KIRREL3: variants seen among roughly 807,000 people sequenced by gnomAD.
KIRREL3 encodes the protein kirre like nephrin family adhesion molecule 3, also known as kin of IRRE-like protein 3.
KIRREL3 carries 36 observed loss-of-function variants against 89.7 expected under a neutral mutation model. The ratio of observed to expected loss-of-function variants is 0.40; its 90% confidence interval spans 0.31 to 0.53. The LOEUF is 0.53. Ranked by LOEUF, KIRREL3 falls within the 20% of genes least tolerant of loss-of-function variation. KIRREL3 has a pLI of 0.49. For missense variants in KIRREL3, 864 were observed against 1,056.6 expected, an observed-to-expected ratio of 0.82 and a Z score of 2.53; for synonymous variants, 445 against 441.4, an observed-to-expected ratio of 1.01 and a Z score of -0.10.
intron 1 of KIRREL3, among the ~76,000 whole-genome samples, chr11:126,629,538 C>A (rs1174357692): frequency 6.6e-6 from 1 of 152,152 alleles, no homozygotes; most frequent in Non-Finnish European, 1.5e-5. Flanking sequence ...GTGGAGGGAC[C>A]GTTGGCTGGA....
chr11:126,920,847 T>C (rs1248239648), intron 1 of KIRREL3, among the ~76,000 whole-genome samples: 2 of 152,198 alleles, frequency 1.3e-5, no homozygotes, highest in African/African-American at 4.8e-5. Flanking sequence ...CTCTGCCTGA[T>C]TCCAGGATGC....
chr11:126,826,629 T>C (rs1008170280), intron 1 of KIRREL3, among the ~76,000 whole-genome samples: 3 of 152,186 alleles, frequency 2.0e-5, no homozygotes, highest in Non-Finnish European at 4.4e-5. Flanking sequence ...GGGAAATACG[T>C]GTTGGAGGTG....
chr11:126,589,449 A>C (rs1046945305), intron 1 of KIRREL3, among the ~76,000 whole-genome samples: 2 of 152,132 alleles, frequency 1.3e-5, no homozygotes, highest in Non-Finnish European at 2.9e-5. Flanking sequence ...GCAGGCAGGG[A>C]CTCAGGGCAC....
rs149832591 is a variant in KIRREL3 at position 126,956,996 on chromosome 11, C to T, written c.55+43459G>A. Among the ~76,000 whole-genome samples, 828 of 152,262 alleles carry T rather than the reference C, an allele frequency of 5.4e-3. 8 individuals are homozygous for T. The highest frequency in any genetic ancestry group is 0.018 in the African/African-American group (733 of 41,552). ...GTTCTTAATCTGCTTCACATGCACG[C>T]GATCTGATTCTGCAGCACAGTTCCA... On this transcript the variant is annotated intron_variant, in intron 1 of 16. Coordinates refer to ENST00000525144, the MANE Select transcript of KIRREL3 (RefSeq NM_032531.4).
chr11:126,654,936 G>A (rs1945069928), intron 1 of KIRREL3, among the ~76,000 whole-genome samples: 1 of 152,152 alleles, frequency 6.6e-6, no homozygotes, highest in African/African-American at 2.4e-5. Context: ...TCACCCCAGA[G>A]GCCGCTCCTT....
chr11:126,931,475 A>G lies in KIRREL3; in HGVS notation c.55+68980T>C, dbSNP rs900584405. On this transcript the variant is annotated intron_variant, in intron 1 of 16. Coordinates refer to ENST00000525144, the MANE Select transcript of KIRREL3 (RefSeq NM_032531.4). This position sits in a 1 kb window ranked among gnomAD's most constrained non-coding sequence, Gnocchi z 5.1. ...ATAAAGACGGATTTTATTGTCTTCC[A>G]GGAACCCATAGCATTGTGGCATCCA... 1.3e-5 allele frequency among the ~76,000 whole-genome samples: 2 copies of G among 152,194 alleles called. No homozygotes were observed. Among genetic ancestry groups the G allele is most frequent in the African/African-American group, 4.8e-5 (2 of 41,446 alleles).
chr11:126,680,243 T>G (rs904385583), intron 1 of KIRREL3, among the ~76,000 whole-genome samples: 1 of 152,068 alleles, frequency 6.6e-6, no homozygotes, highest in African/African-American at 2.4e-5. Context: ...ACAAAAGATC[T>G]CTTAATGAAT....
At position 126,795,973 on chromosome 11, in the gene KIRREL3, G is replaced by A. The variant is rs2134374259; in HGVS notation, c.55+204482C>T. ...AATGAGAGTACATTTTTCACGTTGA[G>A]CTAGTACCTTGTCTGCTTATGTTGC... On this transcript the variant is annotated intron_variant, in intron 1 of 16. Transcript: ENST00000525144. The surrounding 1 kb of genome is among the most constrained non-coding windows in gnomAD (Gnocchi z 4.1). Among the ~76,000 whole-genome samples, 1 of 152,214 alleles carries A rather than the reference G, an allele frequency of 6.6e-6. No homozygotes were observed. The highest frequency in any genetic ancestry group is 1.9e-4 in the East Asian group (1 of 5,156).
In KIRREL3 at chr11:126,655,603, C is replaced by T. The variant is rs1447917006; in HGVS notation, c.56-92691G>A. 2.0e-5 allele frequency among the ~76,000 whole-genome samples: 3 copies of T among 152,152 alleles called. No homozygotes were observed. The highest frequency in any genetic ancestry group is 6.5e-5 in the Admixed American group (1 of 15,280). ...GGGACTGGAACCACTTTGCAAAGAG[C>T]GCAGATCTGCAGTTTTCACAACGCA... On this transcript the variant is annotated intron_variant, in intron 1 of 16. Transcript: ENST00000525144. The surrounding 1 kb of genome is among the most constrained non-coding windows in gnomAD (Gnocchi z 5.0).
intron 1 of KIRREL3, among the ~76,000 whole-genome samples, chr11:126,871,453 C>T (rs1430364917): frequency 6.6e-6 from 1 of 152,138 alleles, no homozygotes. Flanking sequence ...CAAAACTCTT[C>T]CACACTTCAC....
chr11:126,697,069 C>T lies in KIRREL3; in HGVS notation c.56-134157G>A, dbSNP rs1189940215. Among the ~76,000 whole-genome samples, 5 of 152,196 alleles carry T rather than the reference C, an allele frequency of 3.3e-5. No homozygotes were observed. The highest frequency in any genetic ancestry group is 2.0e-4 in the Admixed American group (3 of 15,290). On this transcript the variant is annotated intron_variant, in intron 1 of 16. Transcript: ENST00000525144. This position sits in a 1 kb window ranked among gnomAD's most constrained non-coding sequence, Gnocchi z 4.2. ...CCACTGTTCTTTCGCTCAGGGTGCTCTGCCCTGCGACTCAGCCTCCTTCGG... is the reference window on the plus strand; with the variant it reads ...CCACTGTTCTTTCGCTCAGGGTGCTTTGCCCTGCGACTCAGCCTCCTTCGG...
rs1194119546 is a variant in KIRREL3 at position 126,805,263 on chromosome 11, A to G, written c.55+195192T>C. ...TCTAAAAACTATAGAGGACTTGTTT[A>G]TGAAATTAGGGCTCATACTGAAGGT... On this transcript the variant is annotated intron_variant, in intron 1 of 16. Transcript: ENST00000525144. This position sits in a 1 kb window ranked among gnomAD's most constrained non-coding sequence, Gnocchi z 4.3. Among the ~76,000 whole-genome samples, 1 of 152,218 alleles carries G rather than the reference A, an allele frequency of 6.6e-6. No individual in the cohort carries two copies. Among genetic ancestry groups the G allele is most frequent in the African/African-American group, 2.4e-5 (1 of 41,450 alleles).
At chr11:126,678,325 G>A (rs1169163812) in intron 1 of KIRREL3, among the ~76,000 whole-genome samples, 2 of 152,298 alleles carry the variant, frequency 1.3e-5, no homozygotes, top group East Asian at 3.9e-4. Flanking sequence ...AAGGGGTCAG[G>A]CGTGGTGGCT....
At position 126,606,081 on chromosome 11, in the gene KIRREL3, A is replaced by G. The variant is rs1314397241; in HGVS notation, c.56-43169T>C. On this transcript the variant is annotated intron_variant, in intron 1 of 16. Coordinates refer to ENST00000525144, the MANE Select transcript of KIRREL3 (RefSeq NM_032531.4). This position sits in a 1 kb window ranked among gnomAD's most constrained non-coding sequence, Gnocchi z 4.6. ...AATTATTCAATCTCCCTGAGCCTCC[A>G]TTTCTTCAGTAAAATGGAGCTAATA... is the stretch of plus-strand genomic sequence containing the variant. Among the ~76,000 whole-genome samples the G allele has an allele frequency of 6.6e-6, 1 of 152,180 alleles. No individual in the cohort carries two copies.
chr11:126,998,470 T>G (rs1286873517), intron 1 of KIRREL3, among the ~76,000 whole-genome samples: 1 of 152,152 alleles, frequency 6.6e-6, no homozygotes, highest in Non-Finnish European at 1.5e-5. Context: ...TTTGGTAGGG[T>G]GGACAGTGAT....
At chr11:126,984,819 T>TA (rs1949815857) in intron 1 of KIRREL3, among the ~76,000 whole-genome samples, 1 of 152,120 alleles carries the variant, frequency 6.6e-6, no homozygotes, top group African/African-American at 2.4e-5. Flanking sequence ...AAGAACCCTC[T>TA]AAGCACATAC....
In KIRREL3 at chr11:126,764,063, C is replaced by T. The variant is rs529541079; in HGVS notation, c.56-201151G>A. Among the ~76,000 whole-genome samples the T allele has an allele frequency of 6.6e-6, 1 of 152,268 alleles. No homozygotes were observed. The highest frequency in any genetic ancestry group is 2.1e-4 in the South Asian group (1 of 4,814). Reference sequence around the variant, plus strand: ...GTTATACAGATGCCCAGTGATATTTCAGAAGCTCTAATTAAGTGGAAGATT... The same window carrying T: ...GTTATACAGATGCCCAGTGATATTTTAGAAGCTCTAATTAAGTGGAAGATT... On this transcript the variant is annotated intron_variant, in intron 1 of 16. Transcript: ENST00000525144. This position sits in a 1 kb window ranked among gnomAD's most constrained non-coding sequence, Gnocchi z 4.2.
chr11:126,720,388 C>T (rs1298151810), intron 1 of KIRREL3, among the ~76,000 whole-genome samples: 1 of 152,214 alleles, frequency 6.6e-6, no homozygotes, highest in African/African-American at 2.4e-5. Context: ...CTGTATCTGC[C>T]TGGCTCCCTA....
chr11:126,517,698 A>C (rs1958463117), intron 4 of KIRREL3, among the ~76,000 whole-genome samples: 1 of 152,148 alleles, frequency 6.6e-6, no homozygotes, highest in Non-Finnish European at 1.5e-5. Flanking sequence ...CCAATTTCCT[A>C]AAATAGTTGG....
Sources: allele counts gnomAD v4.1 joint callset (sites outside exome capture counted in the v4.1 genomes callset), GRCh38; gene constraint gnomAD v4.1.1; non-coding constraint Gnocchi (gnomAD v3.1); transcripts MANE v1.5; gene names NCBI Gene and HGNC (gene_info 2026-07-23, HGNC 2026-07-21).